RNF38: variants seen among roughly 807,000 people sequenced by gnomAD.
RNF38 encodes E3 ubiquitin-protein ligase RNF38.
RNF38 carries 15 observed loss-of-function variants against 67.2 expected under a neutral mutation model. That is an observed-to-expected ratio of 0.22 (90% CI 0.15 to 0.34). The LOEUF (loss-of-function observed/expected upper bound fraction) is 0.34, where lower values mean the gene tolerates loss of function less well. RNF38 is among the 10% of genes least tolerant of loss of function. The pLI, the probability that RNF38 is intolerant of heterozygous loss-of-function variation, is 1.00. For synonymous variants in RNF38, 220 were observed against 218.8 expected (o/e 1.01, Z -0.05); for missense variants, 524 against 639.9 (o/e 0.82, Z 1.95).
chr9:36,441,329 AAT>A (rs1839186532), intron 1 of RNF38, among the ~76,000 whole-genome samples: 1 of 148,560 alleles, frequency 6.7e-6, no homozygotes. Flanking sequence ...CTAAATTACC[AAT>A]TTTTTTTTTT....
chr9:36,390,083 C>G (rs973250321), intron 2 of RNF38, among the ~76,000 whole-genome samples: 1 of 152,250 alleles, frequency 6.6e-6, no homozygotes, highest in African/African-American at 2.4e-5. Context: ...ATGTTACTAT[C>G]GAACTCTGGG....
At position 36,366,266 on chromosome 9, in the gene RNF38, G is replaced by T. The variant is rs895473076; in HGVS notation, c.570+3453C>A. On this transcript the variant is annotated intron_variant, in intron 4 of 11. Coordinates refer to ENST00000259605, the MANE Select transcript of RNF38 (RefSeq NM_022781.5). ...AGCATTATTATATTTTTAAAGGAAA[G>T]TTATTTAAAATCAAACATGCAGTCA... Among the ~76,000 whole-genome samples, 4 of 152,184 alleles carry T rather than the reference G, an allele frequency of 2.6e-5. No homozygotes were observed. The South Asian group carries it at 8.3e-4, about 32-fold the overall frequency.
chr9:36,386,945 G>A (rs1836686179), intron 2 of RNF38, among the ~76,000 whole-genome samples: 1 of 152,164 alleles, frequency 6.6e-6, no homozygotes, highest in Admixed American at 6.6e-5. Flanking sequence ...TGGGACCACA[G>A]GTGCGCACCA....
At chr9:36,439,830 T>A (rs1039830718) in intron 1 of RNF38, among the ~76,000 whole-genome samples, 1 of 150,928 alleles carries the variant, frequency 6.6e-6, no homozygotes, top group African/African-American at 2.4e-5. Flanking sequence ...TAGAAAATGC[T>A]AACAGTACCA....
At chr9:36,440,002 T>C (rs556657482) in intron 1 of RNF38, among the ~76,000 whole-genome samples, 1 of 152,088 alleles carries the variant, frequency 6.6e-6, no homozygotes, top group African/African-American at 2.4e-5. Flanking sequence ...TCCCAGCAGT[T>C]TGGGAAGCTA....
In RNF38 at chr9:36,353,278, T is replaced by A. The variant is rs748497794; in HGVS notation, c.963A>T (p.Val321=). The A allele has an allele frequency of 3.7e-6, 6 of 1,612,978 alleles. No homozygotes were observed. Among genetic ancestry groups the A allele is most frequent in the Non-Finnish European group, 5.1e-6 (6 of 1,179,432 alleles). The change falls in exon 7 of 12, where the codon GTA becomes GTT. Residue 321 remains valine, a synonymous_variant. Transcript: ENST00000259605. ...CTGATGGAGGGTAAGTAAAACCTCC[T>A]ACTGGAAGATGTTCTCCTAAGAGTT... ...EVELLGEHLP[V]GGFTYPPSAH...
At chr9:36,478,710 G>A (rs374848446) in intron 1 of RNF38, among the ~76,000 whole-genome samples, 5 of 151,322 alleles carry the variant, frequency 3.3e-5, no homozygotes, top group Admixed American at 1.3e-4. Flanking sequence ...CCAGCTACTC[G>A]GGAGGCTAAG....
At chr9:36,350,006 C>T (rs570664700) in intron 9 of RNF38, among the ~76,000 whole-genome samples, 18 of 152,102 alleles carry the variant, frequency 1.2e-4, no homozygotes, top group African/African-American at 4.1e-4. Context: ...TTTATAGAAA[C>T]GGGGTTTCAC....
exon 2 of RNF38, chr9:36,424,642 C>T (rs764933609): frequency 1.8e-5 from 18 of 985,584 alleles, no homozygotes; most frequent in Admixed American, 1.2e-4. Flanking sequence ...CAAATGTGGT[C>T]GTGATGGATG....
chr9:36,345,397 T>G (rs535477662), intron 9 of RNF38, among the ~76,000 whole-genome samples: 1 of 152,268 alleles, frequency 6.6e-6, no homozygotes, highest in South Asian at 2.1e-4. Flanking sequence ...TAAAACAAAG[T>G]TAGTAACTTT....
intron 1 of RNF38, among the ~76,000 whole-genome samples, chr9:36,451,047 C>A (rs1438910985): frequency 6.6e-6 from 1 of 152,226 alleles, no homozygotes; most frequent in Admixed American, 6.5e-5. Flanking sequence ...CTAATTCTAG[C>A]AACCAATGCA....
At chr9:36,400,843 C>A, upstream of RNF38, 1 of 984,746 alleles carries the variant, frequency 1.0e-6, no homozygotes, top group Non-Finnish European at 1.2e-6. Context: ...CCCAACCGAC[C>A]GGGCCTCGGC....
intron 1 of RNF38, among the ~76,000 whole-genome samples, chr9:36,456,944 T>A (rs1839608912): frequency 6.6e-6 from 1 of 152,120 alleles, no homozygotes. Flanking sequence ...AAGTGACTCA[T>A]CCAAGGTCAC....
chr9:36,431,446 C>T (rs1471968899), intron 1 of RNF38, among the ~76,000 whole-genome samples: 2 of 152,218 alleles, frequency 1.3e-5, no homozygotes, highest in Non-Finnish European at 2.9e-5. Context: ...ATTATAATCT[C>T]AGGGGACCAG....
chr9:36,384,137 T>C (rs1046447102), intron 2 of RNF38, among the ~76,000 whole-genome samples: 1 of 152,188 alleles, frequency 6.6e-6, no homozygotes, highest in Non-Finnish European at 1.5e-5. Context: ...ATTGTAAGTA[T>C]CACTATATTT....
chr9:36,450,332 T>G (rs868010373), intron 1 of RNF38, among the ~76,000 whole-genome samples: 2 of 152,138 alleles, frequency 1.3e-5, no homozygotes, highest in South Asian at 2.1e-4. Context: ...TGCCACCAGG[T>G]GGCAAGAGAG....
chr9:36,422,375 C>T (rs1159534376), intron 2 of RNF38, among the ~76,000 whole-genome samples: 2 of 152,002 alleles, frequency 1.3e-5, no homozygotes. Context: ...CAAGACTGTA[C>T]CACTGCACTC....
chr9:36,350,405 C>T (rs1833611421), intron 9 of RNF38, among the ~76,000 whole-genome samples: 1 of 152,212 alleles, frequency 6.6e-6, no homozygotes, highest in African/African-American at 2.4e-5. Context: ...CCTTCCTCCT[C>T]CACAATATTC....
rs530462461 is a variant in RNF38 at position 36,341,393 on chromosome 9, T to A, written c.1485+932A>T. Among the ~76,000 whole-genome samples, 4 of 152,346 alleles carry A rather than the reference T, an allele frequency of 2.6e-5. No homozygotes were observed. In the East Asian group the frequency reaches 7.7e-4, roughly 29 times the overall value. Reference sequence around the variant, plus strand: ...TATCTTCCTCACCAAATAGTAAGGTTATCTAGTTTTATCCAAACCGGAACA... The same window carrying A: ...TATCTTCCTCACCAAATAGTAAGGTAATCTAGTTTTATCCAAACCGGAACA... On this transcript the variant is annotated intron_variant, in intron 11 of 11. Coordinates refer to ENST00000259605, the MANE Select transcript of RNF38 (RefSeq NM_022781.5).
Sources: allele counts gnomAD v4.1 joint callset (sites outside exome capture counted in the v4.1 genomes callset), GRCh38; gene constraint gnomAD v4.1.1; transcripts MANE v1.5; gene names NCBI Gene and HGNC (gene_info 2026-07-23, HGNC 2026-07-21).